Variants in DACH1 observed in about 807,000 individuals in gnomAD.
DACH1 encodes the protein dachshund homolog 1.
Under a neutral mutation model 54.2 loss-of-function variants are expected in DACH1, and 12 were observed. The observed-to-expected ratio is 0.22, with a 90% CI of 0.14 to 0.36. The LOEUF is 0.36. Among genes scored for constraint, DACH1 ranks in the 10% least tolerant of loss-of-function variants. The pLI, the probability that DACH1 is intolerant of heterozygous loss-of-function variation, is 1.00. For missense variants in DACH1, 805 were observed against 929.8 expected, an observed-to-expected ratio of 0.87 and a Z score of 1.75; for synonymous variants, 386 against 366.2, an observed-to-expected ratio of 1.05 and a Z score of -0.62.
intron 1 of DACH1, among the ~76,000 whole-genome samples, chr13:71,837,340 C>A (rs1271472546): frequency 6.6e-6 from 1 of 151,940 alleles, no homozygotes; most frequent in Non-Finnish European, 1.5e-5. Flanking sequence ...ATAAAAGTAT[C>A]TTATATTTAT....
chr13:71,652,365 A>T (rs1297219821), intron 2 of DACH1, among the ~76,000 whole-genome samples: 1 of 152,074 alleles, frequency 6.6e-6, no homozygotes, highest in Non-Finnish European at 1.5e-5. Flanking sequence ...TTTTGGCATT[A>T]CCCATTGCCT....
chr13:71,729,457 A>G (rs1237527443), intron 1 of DACH1, among the ~76,000 whole-genome samples: 1 of 152,082 alleles, frequency 6.6e-6, no homozygotes, highest in Admixed American at 6.5e-5. Context: ...CATGGCAATG[A>G]CCTTGAAAAG....
At chr13:71,593,366 T>G (rs955267466) in intron 3 of DACH1, among the ~76,000 whole-genome samples, 2 of 152,108 alleles carry the variant, frequency 1.3e-5, no homozygotes, top group African/African-American at 4.8e-5. Context: ...ATCTGAAAGC[T>G]TTTACAGACA....
intron 6 of DACH1, among the ~76,000 whole-genome samples, chr13:71,528,429 T>TTC (rs1882162862): frequency 2.1e-5 from 3 of 143,348 alleles, no homozygotes; most frequent in Admixed American, 1.4e-4. Context: ...GATTTTCTTT[T>TTC]TTTTTTTTTT....
intron 1 of DACH1, among the ~76,000 whole-genome samples, chr13:71,767,610 C>A (rs146709312): frequency 6.6e-6 from 1 of 151,926 alleles, no homozygotes; most frequent in East Asian, 1.9e-4. Context: ...TTTATTATAG[C>A]ATTCATCTCC....
chr13:71,728,553 C>T (rs1373600144), intron 1 of DACH1, among the ~76,000 whole-genome samples: 1 of 151,996 alleles, frequency 6.6e-6, no homozygotes, highest in Non-Finnish European at 1.5e-5. Context: ...CTCACAAATA[C>T]ATTTAACATA....
intron 1 of DACH1, among the ~76,000 whole-genome samples, chr13:71,687,025 G>A (rs1881198445): frequency 6.6e-6 from 1 of 152,188 alleles, no homozygotes; most frequent in African/African-American, 2.4e-5. Flanking sequence ...AATGAGCACT[G>A]AGATTAATCC....
At position 71,437,972 on chromosome 13, in the gene DACH1, T is replaced by G. The variant is rs1873662573; in HGVS notation, c.*2683A>C. ...CTGTAAATAAAGTCACAGGGAGATT[T>G]CAGACAGTTTTATTAGGAGATTGTT... On this transcript the variant is annotated 3_prime_UTR_variant, in exon 11 of 11. Transcript: ENST00000613252. 6.6e-6 allele frequency: 1 copy of G among 152,326 alleles called. No individual in the cohort carries two copies. Among genetic ancestry groups the G allele is most frequent in the Admixed American group, 6.6e-5 (1 of 15,252 alleles). 9.4% of individuals were successfully genotyped at this position (152,326 alleles called of 1,614,324 possible). A position where few individuals can be genotyped will look rare whatever the true frequency, so the allele number is the denominator to read the frequency against.
intron 1 of DACH1, among the ~76,000 whole-genome samples, chr13:71,684,410 A>G (rs148439470): frequency 5.7e-4 from 86 of 152,148 alleles, no homozygotes; most frequent in African/African-American, 2.0e-3. Context: ...TCCTACATTC[A>G]TAGCTTATAT....
At chr13:71,598,592 T>C (rs1031434449) in intron 3 of DACH1, among the ~76,000 whole-genome samples, 1 of 152,164 alleles carries the variant, frequency 6.6e-6, no homozygotes, top group African/African-American at 2.4e-5. Context: ...TTTTGTGATG[T>C]AGAAAATGTA....
chr13:71,819,780 C>G (rs1032418784), intron 1 of DACH1, among the ~76,000 whole-genome samples: 6 of 151,994 alleles, frequency 3.9e-5, no homozygotes, highest in Non-Finnish European at 8.8e-5. Context: ...AAACAAAGTC[C>G]TTGTTCAAAA....
rs1873936740 is a variant in DACH1 at position 71,440,686 on chromosome 13, C to T, written c.2090G>A (p.Arg697Lys). The stretch of plus-strand genomic sequence containing the variant: ...CATGACAGTAGTTTTCAAATACAGT[C>T]TTCCATCTAGAAATGAACAGTGAAA... ...TDAERTIQDGRLYLKTTVMY is the reference protein window; with the variant it reads ...TDAERTIQDGKLYLKTTVMY Residue 697 changes from arginine to lysine, a missense_variant, in exon 11 of 11, where the codon AGA (arginine) becomes AAA (lysine). Around this residue, in one of 3 missense-constraint regions of DACH1, gnomAD observed 472 missense variants for 545.3 expected, o/e 0.87. Transcript: ENST00000613252. 1.2e-6 allele frequency: 2 copies of T among 1,603,352 alleles called. No individual in the cohort carries two copies. The highest frequency in any genetic ancestry group is 8.5e-7 in the Non-Finnish European group (1 of 1,174,442).
At chr13:71,585,890 G>C (rs77909804) in intron 3 of DACH1, among the ~76,000 whole-genome samples, 1 of 151,866 alleles carries the variant, frequency 6.6e-6, no homozygotes, top group Non-Finnish European at 1.5e-5. Flanking sequence ...CATGCCACTG[G>C]AAAATTGATA....
intron 3 of DACH1, chr13:71,573,704 G>A (rs949922854): frequency 7.1e-5 from 32 of 450,118 alleles, no homozygotes; most frequent in African/African-American, 4.1e-4. Context: ...GAAATAAGCC[G>A]AGGTAAGTAA....
At chr13:71,643,715 C>T (rs1241282154) in intron 2 of DACH1, among the ~76,000 whole-genome samples, 1 of 152,114 alleles carries the variant, frequency 6.6e-6, no homozygotes, top group Non-Finnish European at 1.5e-5. Context: ...CAGGCATTGG[C>T]CTAGTTAATA....
intron 8 of DACH1, among the ~76,000 whole-genome samples, chr13:71,477,755 G>A (rs898419227): frequency 1.3e-5 from 2 of 152,046 alleles, no homozygotes; most frequent in Non-Finnish European, 2.9e-5. Context: ...GCCATTGACC[G>A]CTCACAGTTT....
At chr13:71,682,618 A>C (rs2138704082) in intron 1 of DACH1, among the ~76,000 whole-genome samples, 1 of 152,264 alleles carries the variant, frequency 6.6e-6, no homozygotes, top group East Asian at 1.9e-4. Flanking sequence ...TCCCCCACTA[A>C]GTTCCCTTAC....
At chr13:71,836,695 A>G (rs1351651875) in intron 1 of DACH1, among the ~76,000 whole-genome samples, 1 of 152,106 alleles carries the variant, frequency 6.6e-6, no homozygotes, top group Admixed American at 6.6e-5. Flanking sequence ...TATCGCCTTC[A>G]AATATTGACT....
At chr13:71,485,625 G>T (rs564269122) in intron 7 of DACH1, among the ~76,000 whole-genome samples, 3 of 111,120 alleles carry the variant, frequency 2.7e-5, no homozygotes, top group African/African-American at 3.4e-5. Context: ...TTGTTCTGTC[G>T]CCAGGCTGGA....
Sources: gnomAD v4.1 joint callset for allele counts (sites outside exome capture counted in the v4.1 genomes callset) on GRCh38, gnomAD v4.1.1 for gene constraint, gnomAD v4.1.1 regional missense constraint, MANE v1.5 for transcripts, NCBI Gene and HGNC (gene_info 2026-07-23, HGNC 2026-07-21) for gene names.